ANKRD6: variants seen among roughly 807,000 people sequenced by gnomAD.
ANKRD6 encodes the protein ankyrin repeat domain-containing protein 6.
A neutral mutation model predicts 82.3 loss-of-function variants in ANKRD6; 56 were observed. The observed-to-expected ratio is 0.68, with a 90% confidence interval of 0.55 to 0.85. The LOEUF (loss-of-function observed/expected upper bound fraction) is 0.85, where lower values mean the gene tolerates loss of function less well. Among genes scored for constraint, ANKRD6 ranks in the 40% least tolerant of loss-of-function variants. ANKRD6 has a pLI of 0.00. For missense variants in ANKRD6, 852 were observed against 907.6 expected (o/e 0.94, Z 0.79); for synonymous variants, 347 against 352.1 (o/e 0.99, Z 0.16).
chr6:89,466,514 A>G (rs1317859025), intron 1 of ANKRD6, among the ~76,000 whole-genome samples: 3 of 152,194 alleles, frequency 2.0e-5, no homozygotes, highest in African/African-American at 7.2e-5. Context: ...ATAGATAAAA[A>G]CATTTTATCT....
At position 89,433,581 on chromosome 6, in the gene ANKRD6, G is replaced by A. The variant is rs1770228491; in HGVS notation, c.-144+206G>A. Among the ~76,000 whole-genome samples, 1 of 152,166 alleles carries A rather than the reference G, an allele frequency of 6.6e-6. No homozygotes were observed. ...CGCCCGGCGCGAGGGGGTCCCCCCG[G>A]GGCGCCTCCCTCTTCGCCTGGCATC... On this transcript the variant is annotated intron_variant, in intron 1 of 15. Transcript: ENST00000339746. The surrounding 1 kb of genome is among the most constrained non-coding windows in gnomAD (Gnocchi z 4.3).
At chr6:89,618,409 A>T (rs1802159978) in intron 9 of ANKRD6, 2 of 566,936 alleles carry the variant, frequency 3.5e-6, no homozygotes, top group Admixed American at 3.1e-5. Flanking sequence ...GACTTTAAGA[A>T]GAGAAGTGGC....
intron 3 of ANKRD6, among the ~76,000 whole-genome samples, chr6:89,597,707 T>C (rs1001170420): frequency 6.6e-6 from 1 of 152,254 alleles, no homozygotes; most frequent in African/African-American, 2.4e-5. Flanking sequence ...GTCCCTTTTA[T>C]TTATTGAAGG....
At chr6:89,458,201 C>A (rs1773708236) in intron 1 of ANKRD6, among the ~76,000 whole-genome samples, 1 of 152,132 alleles carries the variant, frequency 6.6e-6, no homozygotes, top group African/African-American at 2.4e-5. Context: ...AGACACGAAT[C>A]ATTTTTAATG....
intron 1 of ANKRD6, among the ~76,000 whole-genome samples, chr6:89,475,227 A>G (rs769869902): frequency 2.0e-5 from 3 of 152,222 alleles, no homozygotes; most frequent in African/African-American, 4.8e-5. Context: ...TATTTAAGAA[A>G]CAAACCCAAG....
At chr6:89,503,583 G>T (rs567988932) in intron 1 of ANKRD6, among the ~76,000 whole-genome samples, 139 of 152,282 alleles carry the variant, frequency 9.1e-4, no homozygotes, top group African/African-American at 3.0e-3. Context: ...TAAATATTAA[G>T]TGCCTGCTAT....
At chr6:89,541,449 G>A (rs1291545019) in intron 1 of ANKRD6, among the ~76,000 whole-genome samples, 1 of 124,850 alleles carries the variant, frequency 8.0e-6, no homozygotes, top group Non-Finnish European at 1.6e-5. Context: ...CTGGAGTGCA[G>A]TGGCGCTATC....
At chr6:89,436,865 C>T (rs1286674643) in intron 1 of ANKRD6, among the ~76,000 whole-genome samples, 4 of 152,176 alleles carry the variant, frequency 2.6e-5, no homozygotes, top group African/African-American at 7.2e-5. Flanking sequence ...CCCAGCTCTT[C>T]CTCATCCCGT....
chr6:89,616,798 C>T, intron 8 of ANKRD6, 141 bp downstream of exon 8: 1 of 852,466 alleles, frequency 1.2e-6, no homozygotes. Context: ...GCCCCCAGGG[C>T]CATTGGGGTG....
intron 5 of ANKRD6, among the ~76,000 whole-genome samples, chr6:89,610,761 T>C (rs1214320199): frequency 6.7e-6 from 1 of 148,692 alleles, no homozygotes; most frequent in African/African-American, 2.5e-5. Context: ...TAGACCCTCC[T>C]GGGGAACTAT....
At chr6:89,603,385 G>A (rs1321574572) in intron 4 of ANKRD6, among the ~76,000 whole-genome samples, 1 of 140,654 alleles carries the variant, frequency 7.1e-6, no homozygotes, top group African/African-American at 2.7e-5. Context: ...GGAGTGCAAT[G>A]GCATGATCAT....
intron 1 of ANKRD6, among the ~76,000 whole-genome samples, chr6:89,524,713 A>C (rs539547315): frequency 3.9e-4 from 60 of 152,222 alleles, no homozygotes; most frequent in Admixed American, 5.9e-4. Flanking sequence ...TCTTTTTCAT[A>C]TAATGACTTC....
At position 89,595,988 on chromosome 6, in the gene ANKRD6, G is replaced by A; in HGVS notation, c.193G>A (p.Gly65Ser). 1.2e-6 allele frequency: 2 copies of A among 1,610,138 alleles called. No individual in the cohort carries two copies. Among genetic ancestry groups the A allele is most frequent in the Non-Finnish European group, 1.7e-6 (2 of 1,178,330 alleles). The change falls in exon 3 of 16, where the codon GGC becomes AGC. Residue 65 changes from glycine (G) to serine (S), a missense_variant. Physicochemically the swap from Gly to Ser is moderately conservative, Grantham distance 56. Transcript: ENST00000339746. ...TGTGGTCCAGATCTTGCTGAAGGCTGGCTGCGACCTTGATGTCCAGGATGA... is the reference window on the plus strand; with the variant it reads ...TGTGGTCCAGATCTTGCTGAAGGCTAGCTGCGACCTTGATGTCCAGGATGA... ...LPVVQILLKA[G>S]CDLDVQDDGD... is the part of the protein sequence containing the mutation.
intron 1 of ANKRD6, among the ~76,000 whole-genome samples, chr6:89,442,691 T>C (rs963896147): frequency 2.0e-5 from 3 of 150,950 alleles, no homozygotes; most frequent in Non-Finnish European, 4.4e-5. Context: ...TGTGTATTGG[T>C]TTGGTTCAAA....
At chr6:89,448,575 AAAC>A in intron 1 of ANKRD6, among the ~76,000 whole-genome samples, 1 of 152,322 alleles carries the variant, frequency 6.6e-6, no homozygotes, top group African/African-American at 2.4e-5. Context: ...ACTGCTTAGA[AAAC>A]AAGATTTCTT....
intron 1 of ANKRD6, among the ~76,000 whole-genome samples, chr6:89,539,568 T>C (rs1422632867): frequency 6.6e-6 from 1 of 152,160 alleles, no homozygotes; most frequent in African/African-American, 2.4e-5. Flanking sequence ...TATATATATT[T>C]ATGAGGTACA....
At chr6:89,532,709 C>CT (rs938399897) in intron 1 of ANKRD6, among the ~76,000 whole-genome samples, 51 of 147,784 alleles carry the variant, frequency 3.5e-4, no homozygotes, top group Middle Eastern at 3.5e-3. Flanking sequence ...ATTTTTTTTT[C>CT]TTTTTTTTTT....
At chr6:89,514,137 G>A (rs991925767) in intron 1 of ANKRD6, among the ~76,000 whole-genome samples, 5 of 152,160 alleles carry the variant, frequency 3.3e-5, no homozygotes, top group African/African-American at 2.4e-5. Context: ...CTGCACTTTG[G>A]GAAGCCGAGG....
At chr6:89,453,078 T>C (rs1256043803) in intron 1 of ANKRD6, among the ~76,000 whole-genome samples, 1 of 152,250 alleles carries the variant, frequency 6.6e-6, no homozygotes. Context: ...AATAGAACTT[T>C]GCCAGTCACC....
Sources: allele counts gnomAD v4.1 joint callset (sites outside exome capture counted in the v4.1 genomes callset), GRCh38; gene constraint gnomAD v4.1.1; non-coding constraint Gnocchi (gnomAD v3.1); transcripts MANE v1.5; gene names NCBI Gene and HGNC (gene_info 2026-07-23, HGNC 2026-07-21).